Variants in CTNNA2 observed in about 807,000 individuals in gnomAD.
CTNNA2 encodes the protein catenin alpha-2.
CTNNA2 carries 42 observed loss-of-function variants against 101.0 expected under a neutral mutation model. The observed-to-expected ratio is 0.42, with a 90% confidence interval of 0.32 to 0.54. CTNNA2 has a LOEUF of 0.54. Among genes scored for constraint, CTNNA2 ranks in the 20% least tolerant of loss-of-function variants. The probability of loss-of-function intolerance (pLI) is 0.14; values close to 1 mark genes in which losing one functional copy is unlikely to be tolerated. For synonymous variants in CTNNA2, 450 were observed against 456.4 expected, an observed-to-expected ratio of 0.99 and a Z score of 0.18; for missense variants, 871 against 1,223.1, an observed-to-expected ratio of 0.71 and a Z score of 4.29.
chr2:79,934,177 C>T (rs368475748), intron 7 of CTNNA2, among the ~76,000 whole-genome samples: 3 of 152,190 alleles, frequency 2.0e-5, no homozygotes, highest in Non-Finnish European at 2.9e-5. Context: ...TTTTGCCTAT[C>T]ATCCAAATAC....
At chr2:79,915,066 A>G (rs970024133) in intron 7 of CTNNA2, among the ~76,000 whole-genome samples, 24 of 152,108 alleles carry the variant, frequency 1.6e-4, no homozygotes, top group African/African-American at 4.6e-4. Flanking sequence ...AGCCTCCAGC[A>G]TGCTGTTCCA....
chr2:80,267,608 G>T (rs1405990437), intron 7 of CTNNA2, among the ~76,000 whole-genome samples: 1 of 152,178 alleles, frequency 6.6e-6, no homozygotes, highest in African/African-American at 2.4e-5. Flanking sequence ...GACAATACAA[G>T]CTGGGAAGGA....
At chr2:79,966,182 C>T (rs1690043688) in intron 7 of CTNNA2, among the ~76,000 whole-genome samples, 1 of 151,922 alleles carries the variant, frequency 6.6e-6, no homozygotes, top group Admixed American at 6.6e-5. Flanking sequence ...ATTTATGTTG[C>T]TAGCACTTGA....
At chr2:79,378,789 A>G (rs1160649723) in intron 4 of CTNNA2, among the ~76,000 whole-genome samples, 1 of 152,172 alleles carries the variant, frequency 6.6e-6, no homozygotes, top group Non-Finnish European at 1.5e-5. Context: ...TCATTCGCTC[A>G]TATTCTCTAT....
chr2:79,398,901 G>A (rs1678260418), intron 4 of CTNNA2, among the ~76,000 whole-genome samples: 1 of 151,600 alleles, frequency 6.6e-6, no homozygotes, highest in Non-Finnish European at 1.5e-5. Flanking sequence ...TAAGCTTTGT[G>A]ATGGTTTAGT....
chr2:80,168,524 C>T (rs925648075), intron 7 of CTNNA2, among the ~76,000 whole-genome samples: 3 of 152,128 alleles, frequency 2.0e-5, no homozygotes, highest in Non-Finnish European at 4.4e-5. Context: ...TCCTTCTGAT[C>T]ACCTTCCTAC....
At chr2:80,316,958 A>G (rs951700947) in intron 7 of CTNNA2, among the ~76,000 whole-genome samples, 4 of 152,140 alleles carry the variant, frequency 2.6e-5, no homozygotes, top group Admixed American at 1.3e-4. Flanking sequence ...GAGGGACTGG[A>G]CCTGCTTTAT....
intron 10 of CTNNA2, among the ~76,000 whole-genome samples, chr2:80,545,545 T>C (rs1691983009): frequency 6.6e-6 from 1 of 152,140 alleles, no homozygotes; most frequent in African/African-American, 2.4e-5. Context: ...TCTATTTGTT[T>C]TGGGTTGTGA....
intron 9 of CTNNA2, among the ~76,000 whole-genome samples, chr2:80,464,957 C>G (rs1436782877): frequency 6.6e-6 from 1 of 152,152 alleles, no homozygotes; most frequent in East Asian, 1.9e-4. Context: ...GGTTTTGTTT[C>G]TTTCTCTGAG....
chr2:79,878,101 A>G (rs1461893728), intron 6 of CTNNA2, among the ~76,000 whole-genome samples: 2 of 152,146 alleles, frequency 1.3e-5, no homozygotes, highest in Non-Finnish European at 2.9e-5. Context: ...TTTGCTGAGG[A>G]TGATGGCTTC....
chr2:79,743,588 C>T (rs1224305089), intron 2 of CTNNA2, among the ~76,000 whole-genome samples: 1 of 150,304 alleles, frequency 6.7e-6, no homozygotes, highest in Admixed American at 6.7e-5. Context: ...GGCTAGAGTA[C>T]AATGGCACGA....
At chr2:79,914,115 C>T (rs1345992464) in intron 7 of CTNNA2, among the ~76,000 whole-genome samples, 1 of 143,368 alleles carries the variant, frequency 7.0e-6, no homozygotes. Context: ...TGCAGTGAGC[C>T]GAGATCCCGC....
intron 9 of CTNNA2, among the ~76,000 whole-genome samples, chr2:80,458,771 C>T (rs1036658656): frequency 2.6e-5 from 4 of 152,118 alleles, no homozygotes; most frequent in African/African-American, 9.7e-5. Context: ...GGTTGTCTAT[C>T]CTGGGTTTAT....
chr2:79,188,882 C>G (rs1482383963), intron 1 of CTNNA2, among the ~76,000 whole-genome samples: 1 of 152,130 alleles, frequency 6.6e-6, no homozygotes, highest in Non-Finnish European at 1.5e-5. Context: ...CCATTGAAAG[C>G]AATACACAAT....
At chr2:80,499,286 T>C (rs1160559957) in intron 9 of CTNNA2, among the ~76,000 whole-genome samples, 3 of 152,220 alleles carry the variant, frequency 2.0e-5, no homozygotes, top group Non-Finnish European at 1.5e-5. Flanking sequence ...ATGTGAATGG[T>C]GCCCCCTGGT....
intron 3 of CTNNA2, among the ~76,000 whole-genome samples, chr2:79,367,933 A>T (rs537673305): frequency 6.6e-6 from 1 of 152,304 alleles, no homozygotes; most frequent in African/African-American, 2.4e-5. Flanking sequence ...TACTAGAGAA[A>T]ATAGTACTAC....
intron 7 of CTNNA2, among the ~76,000 whole-genome samples, chr2:79,916,953 G>GT (rs1686278943): frequency 6.6e-6 from 1 of 151,856 alleles, no homozygotes; most frequent in Non-Finnish European, 1.5e-5. Context: ...TGTTTGTTTT[G>GT]TTTTGTTTTT....
chr2:80,532,923 C>A (rs977468520), intron 9 of CTNNA2, among the ~76,000 whole-genome samples: 3 of 152,048 alleles, frequency 2.0e-5, no homozygotes, highest in Non-Finnish European at 4.4e-5. Flanking sequence ...CAGATGGGAG[C>A]AGGAGGTAAG....
At chr2:80,467,329 C>G (rs993949848) in intron 9 of CTNNA2, among the ~76,000 whole-genome samples, 2 of 152,112 alleles carry the variant, frequency 1.3e-5, no homozygotes, top group African/African-American at 4.8e-5. Flanking sequence ...CAAATAAAGT[C>G]TCTACACTAA....
Sources: gnomAD v4.1 joint callset for allele counts (sites outside exome capture counted in the v4.1 genomes callset) on GRCh38, gnomAD v4.1.1 for gene constraint, MANE v1.5 for transcripts, NCBI Gene and HGNC (gene_info 2026-07-23, HGNC 2026-07-21) for gene names.